The following VPS53 variants were observed in gnomAD, a reference collection of about 807,000 sequenced individuals.
The protein encoded by VPS53 is VPS53 subunit of GARP complex.
VPS53 carries 70 observed loss-of-function variants against 107.0 expected under a neutral mutation model. The observed-to-expected ratio is 0.65, with a 90% confidence interval of 0.54 to 0.80. The LOEUF (loss-of-function observed/expected upper bound fraction) is 0.80, where lower values mean the gene tolerates loss of function less well. Ranked by LOEUF, VPS53 falls within the 30% of genes least tolerant of loss-of-function variation. VPS53 has a pLI of 0.00. For missense variants in VPS53, 917 were observed against 1,049.4 expected (o/e 0.87, Z 1.74); for synonymous variants, 409 against 393.3 (o/e 1.04, Z -0.47).
intron 2 of VPS53, 114 bp from the exon 3 acceptor site, chr17:699,494 CAT>C (rs1045418950): frequency 1.3e-5 from 10 of 793,176 alleles, no homozygotes; most frequent in East Asian, 9.3e-5. Context: ...AATTTAATCA[CAT>C]GATATGAGTT....
chr17:572,156 G>T (rs1384353327), intron 13 of VPS53, among the ~76,000 whole-genome samples: 1 of 150,694 alleles, frequency 6.6e-6, no homozygotes, highest in African/African-American at 2.4e-5. Flanking sequence ...CTGCCCGGCC[G>T]CCCATCGTCT....
At chr17:713,583 C>G (rs1346882615) in intron 1 of VPS53, among the ~76,000 whole-genome samples, 1 of 151,320 alleles carries the variant, frequency 6.6e-6, no homozygotes, top group African/African-American at 2.4e-5. Context: ...AACCTGGAAG[C>G]GGAGGTTGCA....
At chr17:594,224 G>A (rs1427576168) in intron 12 of VPS53, among the ~76,000 whole-genome samples, 3 of 152,186 alleles carry the variant, frequency 2.0e-5, no homozygotes, top group Non-Finnish European at 4.4e-5. Flanking sequence ...GCTAGCTGAC[G>A]AGTTTGTGGG....
In VPS53 at chr17:519,343, A is replaced by G; in HGVS notation, c.2329-45T>C. ...AGAACCGTCACGAAGTCTGGGCCAGAATGGCCCACGGGGGACAGCGCAGTA... is the reference window on the plus strand; with the variant it reads ...AGAACCGTCACGAAGTCTGGGCCAGGATGGCCCACGGGGGACAGCGCAGTA... On this transcript the variant is annotated intron_variant, in intron 21 of 21. Transcript: ENST00000437048. The surrounding 1 kb of genome is among the most constrained non-coding windows in gnomAD (Gnocchi z 5.0). 1 of 1,441,692 alleles carries G rather than the reference A, an allele frequency of 6.9e-7. No homozygotes were observed. The highest frequency in any genetic ancestry group is 9.1e-7 in the Non-Finnish European group (1 of 1,096,120). 89.3% of individuals were successfully genotyped at this position (1,441,692 alleles called of 1,614,324 possible).
At chr17:599,955 A>G (rs1056258448) in intron 12 of VPS53, 8 of 152,184 alleles carry the variant, frequency 5.3e-5, no homozygotes, top group African/African-American at 1.7e-4. Context: ...TGAAGGTCAC[A>G]TGGTCAGTCG....
intron 11 of VPS53, among the ~76,000 whole-genome samples, chr17:619,317 G>A (rs12945134): frequency 0.24 from 31,744 of 133,550 alleles, 1,300 homozygotes; most frequent in Admixed American, 0.31. Flanking sequence ...GACTACAGGC[G>A]CGCACCACCA....
chr17:698,908 C>T (rs1973089131), intron 3 of VPS53, among the ~76,000 whole-genome samples: 1 of 152,056 alleles, frequency 6.6e-6, no homozygotes, highest in African/African-American at 2.4e-5. Context: ...TGGCTCACCC[C>T]TGTCATCCCA....
chr17:565,672 G>A (rs929327265), intron 13 of VPS53, among the ~76,000 whole-genome samples: 2 of 151,704 alleles, frequency 1.3e-5, no homozygotes, highest in African/African-American at 4.8e-5. Context: ...GAGGTTCCTC[G>A]CAACAGCTCC....
intron 4 of VPS53, among the ~76,000 whole-genome samples, chr17:681,246 T>C (rs985989056): frequency 6.6e-6 from 1 of 152,130 alleles, no homozygotes; most frequent in African/African-American, 2.4e-5. Flanking sequence ...AAGTTATTCT[T>C]CTGCCTCAGC....
chr17:553,239 A>T (rs574938141), intron 16 of VPS53, 141 bp downstream of exon 16: 3 of 623,544 alleles, frequency 4.8e-6, no homozygotes, highest in Admixed American at 5.4e-5. Flanking sequence ...AAGCGTGTAC[A>T]AGGTATATAC....
At chr17:688,639 C>G (rs117013742) in intron 4 of VPS53, among the ~76,000 whole-genome samples, 1 of 151,854 alleles carries the variant, frequency 6.6e-6, no homozygotes, top group African/African-American at 2.4e-5. Flanking sequence ...AACAGTCGCC[C>G]GCCCCGCCTC....
chr17:542,071 AC>A (rs1910738880), intron 17 of VPS53, among the ~76,000 whole-genome samples: 1 of 151,942 alleles, frequency 6.6e-6, no homozygotes, highest in Non-Finnish European at 1.5e-5. Flanking sequence ...CCTACCACGC[AC>A]TGAAGGAACG....
chr17:662,849 G>GGAAGGAAGGAAGGAAGGAAC (rs1971519721), intron 4 of VPS53, among the ~76,000 whole-genome samples: 2 of 89,750 alleles, frequency 2.2e-5, no homozygotes, highest in Non-Finnish European at 6.0e-5. Context: ...AAGGAAGGAA[G>GGAAGGAAGGAAGGAAGGAAC]GAAGGAAGGA....
intron 4 of VPS53, among the ~76,000 whole-genome samples, chr17:665,306 G>A (rs1004338129): frequency 2.0e-5 from 3 of 152,182 alleles, no homozygotes; most frequent in African/African-American, 4.8e-5. Context: ...GCCGCGGGAC[G>A]ACGCAGTGAG....
intron 13 of VPS53, among the ~76,000 whole-genome samples, chr17:566,968 G>C (rs2151859274): frequency 6.6e-6 from 1 of 151,952 alleles, no homozygotes; most frequent in East Asian, 1.9e-4. Flanking sequence ...GGCTGGTCTT[G>C]AACTCCTGAC....
intron 4 of VPS53, among the ~76,000 whole-genome samples, chr17:669,811 G>T (rs996459636): frequency 6.6e-6 from 1 of 151,326 alleles, no homozygotes; most frequent in Admixed American, 6.6e-5. Flanking sequence ...AGAATCACTT[G>T]AACCAGGGAG....
rs764121347 is a variant in VPS53 at position 601,755 on chromosome 17, C to G, written c.1218+40G>C. The G allele has an allele frequency of 1.5e-5, 22 of 1,491,828 alleles. No individual in the cohort carries two copies. The South Asian group carries it at 2.8e-4, about 19-fold the overall frequency. The allele number at this position is 1,491,828 out of a possible 1,614,324, so 92.4% of individuals were successfully genotyped here. ...AAGCAGACCGATTTTCAGAAACGCA[C>G]ATTGGGTAGGTTACCCGTGGTGACG... On this transcript the variant is annotated intron_variant, in intron 12 of 21. Coordinates refer to ENST00000437048, the MANE Select transcript of VPS53 (RefSeq NM_001128159.3).
At chr17:580,092 C>A (rs1480382909) in intron 13 of VPS53, among the ~76,000 whole-genome samples, 2 of 151,768 alleles carry the variant, frequency 1.3e-5, no homozygotes, top group Non-Finnish European at 2.9e-5. Flanking sequence ...CAGAGAACAT[C>A]CCTCAGAACC....
chr17:607,716 T>A (rs775088561), intron 11 of VPS53, among the ~76,000 whole-genome samples: 6 of 152,230 alleles, frequency 3.9e-5, no homozygotes. Context: ...AAAGAATTCA[T>A]TCTTTTTGCT....
Sources: gnomAD v4.1 joint callset for allele counts (sites outside exome capture counted in the v4.1 genomes callset) on GRCh38, gnomAD v4.1.1 for gene constraint, Gnocchi (gnomAD v3.1) non-coding constraint, MANE v1.5 for transcripts, NCBI Gene and HGNC (gene_info 2026-07-23, HGNC 2026-07-21) for gene names.